The following RNF14 variants were observed in gnomAD, a reference collection of about 807,000 sequenced individuals.
The protein encoded by RNF14 is ring finger protein 14, also known as E3 ubiquitin-protein ligase RNF14.
Under a neutral mutation model 52.6 loss-of-function variants are expected in RNF14, and 26 were observed. The ratio of observed to expected loss-of-function variants is 0.49; its 90% CI spans 0.36 to 0.69. RNF14 has a LOEUF of 0.69. Ranked by LOEUF, RNF14 falls within the 30% of genes least tolerant of loss-of-function variation. The pLI, the probability that RNF14 is intolerant of heterozygous loss-of-function variation, is 0.00. For synonymous variants in RNF14, 194 were observed against 202.0 expected (o/e 0.96, Z 0.34); for missense variants, 404 against 560.4 (o/e 0.72, Z 2.82).
At chr5:141,966,546 A>C (rs1021261065), upstream of RNF14, among the ~76,000 whole-genome samples, 8 of 152,132 alleles carry the variant, frequency 5.3e-5, no homozygotes, top group African/African-American at 1.9e-4. Context: ...AGCACAGTGG[A>C]GGGCTAGGCA....
At chr5:141,963,498 C>T (rs958619087), upstream of RNF14, among the ~76,000 whole-genome samples, 3 of 151,648 alleles carry the variant, frequency 2.0e-5, no homozygotes, top group Non-Finnish European at 4.4e-5. Context: ...TATTCAGAAG[C>T]GAACTCTGTT....
In RNF14 at chr5:141,974,910, C is replaced by G; in HGVS notation, c.261C>G (p.Ser87=). 1 of 1,613,998 alleles carries G rather than the reference C, an allele frequency of 6.2e-7. No homozygotes were observed. The highest frequency in any genetic ancestry group is 1.1e-5 in the South Asian group (1 of 91,066). Reference sequence around the variant, plus strand: ...TGCCACCAGATTATCCATCCTCTTCCCCACCTTCATTCACACTTAGTGGCA... The same window carrying G: ...TGCCACCAGATTATCCATCCTCTTCGCCACCTTCATTCACACTTAGTGGCA... The part of the protein sequence containing the change: ...FELPPDYPSS[S]PPSFTLSGKW... The change falls in exon 4 of 9, where the codon TCC becomes TCG. Residue 87 remains serine (S), a synonymous_variant. Transcript: ENST00000394520.
upstream of RNF14, among the ~76,000 whole-genome samples, chr5:141,964,938 ATT>A (rs76293615): frequency 6.6e-5 from 10 of 151,674 alleles, no homozygotes; most frequent in Admixed American, 6.6e-5. Context: ...GAAACCTCTA[ATT>A]TTTTTTAAAA....
exon 1 of RNF14, chr5:141,958,361 G>T (rs1297700086): frequency 1.3e-5 from 2 of 156,548 alleles, no homozygotes; most frequent in African/African-American, 4.8e-5. Context: ...GGACAGGCCA[G>T]ATGGGAAGCT....
intron 4 of RNF14, 69 bp from the exon 5 acceptor site, chr5:141,978,234 G>A: frequency 4.3e-6 from 6 of 1,399,138 alleles, no homozygotes; most frequent in Non-Finnish European, 5.8e-6. Flanking sequence ...AAGATTTCTA[G>A]GGAAACCAGG....
At chr5:141,957,962 A>G (rs1753216175), upstream of RNF14, 1 of 1,257,768 alleles carries the variant, frequency 8.0e-7, no homozygotes, top group Non-Finnish European at 1.1e-6. This position sits in a 1 kb window ranked among gnomAD's most constrained non-coding sequence, Gnocchi z 4.3. Flanking sequence ...CTTCCCCCAG[A>G]GCTGCCGGCA....
intron 4 of RNF14, among the ~76,000 whole-genome samples, chr5:141,976,528 G>A (rs1754267758): frequency 6.6e-6 from 1 of 152,054 alleles, no homozygotes; most frequent in Admixed American, 6.6e-5. Context: ...ATTTTAATTG[G>A]TCTCTTATAT....
chr5:141,956,699 G>T (rs164075), upstream of RNF14: 907,985 of 1,613,964 alleles, frequency 0.56, 264,964 homozygotes, highest in African/African-American at 0.88. Flanking sequence ...AAACCATTGT[G>T]TCCTGAATCC....
chr5:141,952,633 G>A, the RNF14 span: 1 of 152,264 alleles, frequency 6.6e-6, no homozygotes, highest in Admixed American at 6.5e-5. Context: ...GTCCTGGGAG[G>A]CGGAGTTCTA....
chr5:141,955,673 C>T (rs1181323370), upstream of RNF14: 1 of 1,614,108 alleles, frequency 6.2e-7, no homozygotes, highest in Non-Finnish European at 8.5e-7. The surrounding 1 kb of genome is among the most constrained non-coding windows in gnomAD (Gnocchi z 5.5). Context: ...CCGAAGATGC[C>T]CAACAGTACA....
Position 141,974,943 on chromosome 5 carries a change from G to A in RNF14, c.294G>A (p.Leu98=), listed in dbSNP as rs75142204. Residue 98 remains leucine, a synonymous_variant, in exon 4 of 9, where the codon CTG becomes CTA. Coordinates refer to ENST00000394520, the MANE Select transcript of RNF14 (RefSeq NM_004290.5). ...CATTCACACTTAGTGGCAAATGGCT[G>A]TCACCAACTCAGGTTAGACTTGAAA... ...PPSFTLSGKW[L]SPTQLSALCK... The A allele has an allele frequency of 1.1e-4, 180 of 1,613,566 alleles. No homozygotes were observed. In the African/African-American group the frequency reaches 2.2e-3, roughly 20 times the overall value.
At chr5:141,976,012 A>G (rs765016811) in intron 4 of RNF14, among the ~76,000 whole-genome samples, 5 of 152,108 alleles carry the variant, frequency 3.3e-5, no homozygotes, top group Admixed American at 6.5e-5. Flanking sequence ...TGGATCATAC[A>G]GTTTTCATTT....
chr5:141,979,392 GCACC>G (rs1754560827), intron 5 of RNF14, among the ~76,000 whole-genome samples: 3 of 152,104 alleles, frequency 2.0e-5, no homozygotes, highest in Non-Finnish European at 4.4e-5. Context: ...GGGATTACAG[GCACC>G]CGCCACCATG....
chr5:141,984,736 T>C, intron 7 of RNF14, 67 bp from the exon 8 acceptor site: 1 of 1,480,588 alleles, frequency 6.8e-7, no homozygotes, highest in Non-Finnish European at 9.4e-7. Context: ...ACTGAATCAT[T>C]TTGGCATGTG....
Position 141,987,868 on chromosome 5 carries a change from T to G in RNF14, c.*78T>G. 7.5e-7 allele frequency: 1 copy of G among 1,330,950 alleles called. No homozygotes were observed. The highest frequency in any genetic ancestry group is 2.3e-5 in the East Asian group (1 of 43,528). The allele number at this position is 1,330,950 out of a possible 1,614,324, so 82.4% of individuals were successfully genotyped here. On this transcript the variant is annotated 3_prime_UTR_variant, in exon 9 of 9. Transcript: ENST00000394520. Reference sequence around the variant, plus strand: ...AAGTACACAAAGTAACTTTGCGGGATATTTAGGGTACTATTCATTCACTCT... The same window carrying G: ...AAGTACACAAAGTAACTTTGCGGGAGATTTAGGGTACTATTCATTCACTCT...
intron 1 of RNF14, among the ~76,000 whole-genome samples, chr5:141,969,918 A>G (rs931248451): frequency 3.9e-5 from 6 of 152,350 alleles, no homozygotes; most frequent in Admixed American, 3.3e-4. Flanking sequence ...AACAGGAAGA[A>G]ACAAAAAGCT....
Position 141,974,964 on chromosome 5 carries a change from T to G in RNF14, c.306+9T>G. On this transcript the variant is annotated intron_variant, in intron 4 of 8. Coordinates refer to ENST00000394520, the MANE Select transcript of RNF14 (RefSeq NM_004290.5). ...GGCTGTCACCAACTCAGGTTAGACT[T>G]GAAACTTAATTTTTCCTATCCATTT... 1 of 1,610,946 alleles carries G rather than the reference T, an allele frequency of 6.2e-7. No homozygotes were observed. The highest frequency in any genetic ancestry group is 8.5e-7 in the Non-Finnish European group (1 of 1,179,154).
At chr5:141,968,243 C>A (rs1753426829), upstream of RNF14, among the ~76,000 whole-genome samples, 3 of 151,614 alleles carry the variant, frequency 2.0e-5, no homozygotes, top group South Asian at 6.2e-4. Context: ...GTAGCTGGGA[C>A]TACAGGTGCC....
At chr5:141,955,348 G>C, upstream of RNF14, 2 of 1,614,132 alleles carry the variant, frequency 1.2e-6, no homozygotes, top group Non-Finnish European at 1.7e-6. The surrounding 1 kb of genome is among the most constrained non-coding windows in gnomAD (Gnocchi z 5.5). Context: ...GCTCTCCGCC[G>C]GTGCTCCCTG....
Sources: gnomAD v4.1 joint callset for allele counts (sites outside exome capture counted in the v4.1 genomes callset) on GRCh38, gnomAD v4.1.1 for gene constraint, Gnocchi (gnomAD v3.1) non-coding constraint, MANE v1.5 for transcripts, NCBI Gene and HGNC (gene_info 2026-07-23, HGNC 2026-07-21) for gene names.